Variants in ENAH observed in about 807,000 individuals in gnomAD.
ENAH encodes protein enabled homolog.
A neutral mutation model predicts 78.7 loss-of-function variants in ENAH; 23 were observed. That is an observed-to-expected ratio of 0.29 (90% confidence interval 0.21 to 0.41). ENAH has a LOEUF of 0.41. Among genes scored for constraint, ENAH ranks in the 10% least tolerant of loss-of-function variants. The pLI, the probability that ENAH is intolerant of heterozygous loss-of-function variation, is 1.00. For synonymous variants in ENAH, 226 were observed against 241.0 expected (o/e 0.94, Z 0.58); for missense variants, 544 against 691.0 (o/e 0.79, Z 2.39).
At position 225,486,858 on chromosome 1, in the gene ENAH, CA is replaced by C. The variant is rs1403750123; in HGVS notation, c.*10916del. 6.6e-6 allele frequency: 1 copy of C among 152,392 alleles called. No homozygotes were observed. Among genetic ancestry groups the C allele is most frequent in the Non-Finnish European group, 1.5e-5 (1 of 67,984 alleles). The allele number at this position is 152,392 out of a possible 1,614,324, so 9.4% of individuals were successfully genotyped here. ...AATTAAGTATTTCATGTTTTTATTTCAAAAGAAAAAAGGATACCAAGAAGCA... is the reference window on the plus strand; with the variant it reads ...AATTAAGTATTTCATGTTTTTATTTCAAAGAAAAAAGGATACCAAGAAGCA... On this transcript the variant is annotated 3_prime_UTR_variant, in exon 14 of 14. Transcript: ENST00000366843.
intron 3 of ENAH, among the ~76,000 whole-genome samples, chr1:225,548,618 C>G (rs557710963): frequency 6.6e-6 from 1 of 152,192 alleles, no homozygotes; most frequent in African/African-American, 2.4e-5. Context: ...TTTGTGCCTC[C>G]CTTTCTAGGT....
chr1:225,620,032 G>A (rs1416611542), intron 1 of ENAH, among the ~76,000 whole-genome samples: 4 of 152,032 alleles, frequency 2.6e-5, no homozygotes, highest in African/African-American at 9.7e-5. Context: ...TCAAGGATAC[G>A]ATGCATTAAA....
At chr1:225,598,225 C>T (rs1298360265) in intron 1 of ENAH, among the ~76,000 whole-genome samples, 6 of 151,860 alleles carry the variant, frequency 4.0e-5, no homozygotes, top group Non-Finnish European at 8.8e-5. Flanking sequence ...TTAATTATTA[C>T]TTTAATCATT....
intron 13 of ENAH, 28 bp downstream of exon 13, chr1:225,498,319 G>T: frequency 6.5e-7 from 1 of 1,541,016 alleles, no homozygotes; most frequent in Non-Finnish European, 8.9e-7. Context: ...TTGTTTTATA[G>T]GAATAGTAAA....
At chr1:225,514,519 GAATAC>G in intron 7 of ENAH, 72 bp downstream of exon 7, 1 of 1,129,886 alleles carries the variant, frequency 8.9e-7, no homozygotes, top group African/African-American at 1.6e-5. Context: ...CATAAAATTA[GAATAC>G]AATAAATTCA....
Position 225,589,704 on chromosome 1 carries a change from G to A in ENAH, c.6-22290C>T, listed in dbSNP as rs116983317. Among the ~76,000 whole-genome samples the A allele has an allele frequency of 2.1e-3, 324 of 152,248 alleles. 10 individuals are homozygous for A. The East Asian group carries it at 0.051, about 24-fold the overall frequency. ...ATATGAAACCCATAGGGGGCCAACT[G>A]TATACAGAGAAGGATGGAGAGACAG... On this transcript the variant is annotated intron_variant, in intron 1 of 13. Coordinates refer to ENST00000366843, the MANE Select transcript of ENAH (RefSeq NM_018212.6).
At chr1:225,539,007 G>T (rs997115259) in intron 3 of ENAH, among the ~76,000 whole-genome samples, 1 of 152,030 alleles carries the variant, frequency 6.6e-6, no homozygotes, top group Admixed American at 6.6e-5. Flanking sequence ...TGTTACTAAG[G>T]GCATTATTGA....
At chr1:225,642,304 C>T (rs543065191) in intron 1 of ENAH, among the ~76,000 whole-genome samples, 2 of 152,166 alleles carry the variant, frequency 1.3e-5, no homozygotes, top group South Asian at 4.2e-4. Context: ...TAATCACCTC[C>T]CCCACTGACT....
At chr1:225,618,844 C>T (rs1485546724) in intron 1 of ENAH, among the ~76,000 whole-genome samples, 4 of 152,102 alleles carry the variant, frequency 2.6e-5, no homozygotes, top group African/African-American at 4.8e-5. Flanking sequence ...AATTACATTG[C>T]GTTACATGCA....
At chr1:225,648,092 G>A (rs1216272812) in intron 1 of ENAH, among the ~76,000 whole-genome samples, 1 of 152,120 alleles carries the variant, frequency 6.6e-6, no homozygotes, top group African/African-American at 2.4e-5. Context: ...TTCTAGTCAG[G>A]AAAATTTCGT....
intron 2 of ENAH, among the ~76,000 whole-genome samples, chr1:225,558,374 CT>C (rs1202143102): frequency 6.6e-6 from 1 of 152,128 alleles, no homozygotes; most frequent in Non-Finnish European, 1.5e-5. Context: ...CCTTTTACTT[CT>C]TTTAATGATA....
chr1:225,505,116 T>C, intron 11 of ENAH: 5 of 1,301,338 alleles, frequency 3.8e-6, no homozygotes, highest in Admixed American at 1.8e-5. Context: ...ATTCTCATTA[T>C]GTTACTGTTT....
At chr1:225,586,241 C>CAAAAA (rs34817622) in intron 1 of ENAH, among the ~76,000 whole-genome samples, 1 of 100,636 alleles carries the variant, frequency 9.9e-6, no homozygotes, top group Non-Finnish European at 1.9e-5. Context: ...GAGACAAGCT[C>CAAAAA]AAAAAAAAAA....
chr1:225,500,333 C>T (rs191726843), intron 12 of ENAH, among the ~76,000 whole-genome samples: 23 of 152,266 alleles, frequency 1.5e-4, no homozygotes, highest in African/African-American at 5.3e-4. Flanking sequence ...TGAATCCAAA[C>T]GTGGACAGTA....
intron 3 of ENAH, among the ~76,000 whole-genome samples, chr1:225,549,395 A>G (rs2096630823): frequency 1.3e-5 from 2 of 152,166 alleles, no homozygotes; most frequent in Non-Finnish European, 2.9e-5. Flanking sequence ...TAACAGGACC[A>G]TCTTTACCGG....
chr1:225,510,749 C>T (rs2096370491), intron 10 of ENAH, among the ~76,000 whole-genome samples: 3 of 149,390 alleles, frequency 2.0e-5, no homozygotes, highest in South Asian at 4.2e-4. Context: ...CTGTGGCTCA[C>T]GCCTGTAATC....
intron 1 of ENAH, among the ~76,000 whole-genome samples, chr1:225,650,335 C>T (rs1290820060): frequency 1.3e-5 from 2 of 151,950 alleles, no homozygotes; most frequent in East Asian, 3.9e-4. Flanking sequence ...AGCGTGGTTC[C>T]TCTCTCTCTA....
intron 1 of ENAH, among the ~76,000 whole-genome samples, chr1:225,648,047 T>G (rs1002604836): frequency 2.0e-5 from 3 of 152,140 alleles, no homozygotes; most frequent in Non-Finnish European, 4.4e-5. Flanking sequence ...AGTCAAGGAC[T>G]ATATCCCAGG....
chr1:225,539,165 A>G (rs754526602), intron 3 of ENAH, among the ~76,000 whole-genome samples: 12 of 152,092 alleles, frequency 7.9e-5, no homozygotes, highest in African/African-American at 1.2e-4. Context: ...TTTTACTCCT[A>G]TTTAACCAAT....
Sources: gnomAD v4.1 joint callset for allele counts (sites outside exome capture counted in the v4.1 genomes callset) on GRCh38, gnomAD v4.1.1 for gene constraint, MANE v1.5 for transcripts, NCBI Gene and HGNC (gene_info 2026-07-23, HGNC 2026-07-21) for gene names.